The following ATRNL1 variants were observed in gnomAD, a reference collection of about 807,000 sequenced individuals.
ATRNL1 encodes attractin-like protein 1.
ATRNL1 carries 95 observed loss-of-function variants against 182.7 expected under a neutral mutation model. The ratio of observed to expected loss-of-function variants is 0.52; its 90% confidence interval spans 0.44 to 0.62. The LOEUF (loss-of-function observed/expected upper bound fraction) is 0.62. ATRNL1 is among the 20% of genes least tolerant of loss of function. ATRNL1 has a pLI of 0.00. For missense variants in ATRNL1, 1,471 were observed against 1,679.5 expected, an observed-to-expected ratio of 0.88 and a Z score of 2.17; for synonymous variants, 576 against 568.3, an observed-to-expected ratio of 1.01 and a Z score of -0.19.
intron 26 of ATRNL1, among the ~76,000 whole-genome samples, chr10:115,561,704 G>GGTGTGTGTGTGTGT (rs71010029): frequency 0.011 from 1,646 of 145,014 alleles, 32 homozygotes; most frequent in African/African-American, 0.04. Context: ...TGTGTGTGTG[G>GGTGTGTGTGTGTGT]GTGTGTGTGT....
At chr10:115,640,074 C>T (rs1159859139) in intron 26 of ATRNL1, among the ~76,000 whole-genome samples, 1 of 152,192 alleles carries the variant, frequency 6.6e-6, no homozygotes, top group South Asian at 2.1e-4. Flanking sequence ...ATGATGGTTT[C>T]CAGCTTCATC....
At chr10:115,385,502 G>T (rs2134245901) in intron 19 of ATRNL1, among the ~76,000 whole-genome samples, 1 of 152,088 alleles carries the variant, frequency 6.6e-6, no homozygotes, top group African/African-American at 2.4e-5. Flanking sequence ...ATTTCCCTCA[G>T]CCTATGACTT....
intron 19 of ATRNL1, among the ~76,000 whole-genome samples, chr10:115,367,324 T>C (rs1358877920): frequency 3.5e-5 from 5 of 141,128 alleles, no homozygotes; most frequent in African/African-American, 5.2e-5. Context: ...CTCCTGAGGC[T>C]TCTGCATTCT....
chr10:115,896,123 GC>G (rs1407715691), intron 28 of ATRNL1, among the ~76,000 whole-genome samples: 3 of 152,248 alleles, frequency 2.0e-5, no homozygotes, highest in Non-Finnish European at 4.4e-5. Flanking sequence ...AACACGTTCA[GC>G]AGACTGATTT....
chr10:115,627,603 T>G (rs782218593), intron 26 of ATRNL1, among the ~76,000 whole-genome samples: 8 of 152,084 alleles, frequency 5.3e-5, no homozygotes, highest in Admixed American at 6.6e-5. Flanking sequence ...TGACCTCAAG[T>G]GATGCGCTCC....
intron 26 of ATRNL1, among the ~76,000 whole-genome samples, chr10:115,598,798 C>T (rs530076563): frequency 6.6e-6 from 1 of 152,098 alleles, no homozygotes; most frequent in South Asian, 2.1e-4. Flanking sequence ...ATACCTGATT[C>T]CCATATTTAA....
chr10:115,857,502 G>T (rs1225744757), intron 28 of ATRNL1, among the ~76,000 whole-genome samples: 1 of 152,084 alleles, frequency 6.6e-6, no homozygotes, highest in Middle Eastern at 3.2e-3. Context: ...GTTTTGTTTT[G>T]TTTTTTCATT....
At chr10:115,249,739 G>A (rs1484391495) in intron 10 of ATRNL1, among the ~76,000 whole-genome samples, 2 of 151,840 alleles carry the variant, frequency 1.3e-5, no homozygotes, top group Non-Finnish European at 2.9e-5. Context: ...TGGCTGTTTT[G>A]TTGGTATAGA....
intron 26 of ATRNL1, among the ~76,000 whole-genome samples, chr10:115,614,549 A>G (rs1295530465): frequency 1.3e-5 from 2 of 152,152 alleles, no homozygotes; most frequent in Non-Finnish European, 2.9e-5. Context: ...TATTTGGTCT[A>G]TAATGCAATT....
At chr10:115,863,548 T>C (rs574466945) in intron 28 of ATRNL1, among the ~76,000 whole-genome samples, 45 of 152,236 alleles carry the variant, frequency 3.0e-4, no homozygotes, top group South Asian at 6.2e-4. Flanking sequence ...ATGAGGAAAG[T>C]GAGAAGACTA....
chr10:115,293,304 C>A (rs1239901432), intron 15 of ATRNL1, among the ~76,000 whole-genome samples: 3 of 151,740 alleles, frequency 2.0e-5, no homozygotes, highest in South Asian at 4.2e-4. Context: ...TAAAAAATAC[C>A]CTCAGACAGT....
intron 26 of ATRNL1, among the ~76,000 whole-genome samples, chr10:115,647,823 G>T (rs1204016720): frequency 2.0e-5 from 3 of 152,036 alleles, no homozygotes; most frequent in Admixed American, 1.3e-4. Flanking sequence ...GTCAATTTTG[G>T]CTTTTGTTGC....
At chr10:115,828,712 A>AG (rs1442091429) in intron 27 of ATRNL1, among the ~76,000 whole-genome samples, 2 of 152,158 alleles carry the variant, frequency 1.3e-5, no homozygotes, top group Non-Finnish European at 2.9e-5. Context: ...TCAGTGGCCT[A>AG]GGGGGAGTTG....
intron 15 of ATRNL1, among the ~76,000 whole-genome samples, chr10:115,295,276 A>T (rs1226152976): frequency 6.6e-6 from 1 of 152,080 alleles, no homozygotes; most frequent in African/African-American, 2.4e-5. Flanking sequence ...CCCAGGATGC[A>T]GGTGCATTGC....
At chr10:115,674,098 G>A (rs559177193) in intron 26 of ATRNL1, among the ~76,000 whole-genome samples, 1 of 152,048 alleles carries the variant, frequency 6.6e-6, no homozygotes, top group Non-Finnish European at 1.5e-5. Flanking sequence ...AGAGATCTTT[G>A]ATGACCAGAA....
intron 24 of ATRNL1, among the ~76,000 whole-genome samples, chr10:115,491,995 G>GAA (rs1849321326): frequency 6.6e-6 from 1 of 152,130 alleles, no homozygotes; most frequent in African/African-American, 2.4e-5. Context: ...CTAGGGGAGG[G>GAA]AAATCCTCTG....
intron 9 of ATRNL1, among the ~76,000 whole-genome samples, chr10:115,228,646 A>T (rs1849795893): frequency 6.6e-6 from 1 of 152,160 alleles, no homozygotes. Context: ...AAGTTTTAAC[A>T]CATAAGGAAT....
chr10:115,685,661 G>A (rs1036886772), intron 26 of ATRNL1, among the ~76,000 whole-genome samples: 7 of 151,812 alleles, frequency 4.6e-5, no homozygotes, highest in Non-Finnish European at 8.9e-5. Context: ...GTTATTGAAT[G>A]TGAAGGTATT....
rs553536067 is a variant in ATRNL1, at chr10:115,633,331, A to G, written c.3795+83795A>G. Among the ~76,000 whole-genome samples the G allele has an allele frequency of 5.3e-5, 8 of 152,338 alleles. No homozygotes were observed. The South Asian group carries it at 1.7e-3, about 32-fold the overall frequency. The stretch of plus-strand genomic sequence containing the variant: ...AGATGTGTAAGTCTTGGTTCTGTCT[A>G]TGCTAATGTAAGTATTTTTATCACT... On this transcript the variant is annotated intron_variant, in intron 26 of 28. Coordinates refer to ENST00000355044, the MANE Select transcript of ATRNL1 (RefSeq NM_207303.4).
Sources: gnomAD v4.1 joint callset for allele counts (sites outside exome capture counted in the v4.1 genomes callset) on GRCh38, gnomAD v4.1.1 for gene constraint, MANE v1.5 for transcripts, NCBI Gene and HGNC (gene_info 2026-07-23, HGNC 2026-07-21) for gene names.